Variants in NCKAP5 observed in about 807,000 individuals in gnomAD.
NCKAP5 encodes the protein nck-associated protein 5.
Under a neutral mutation model 167.0 loss-of-function variants are expected in NCKAP5, and 92 were observed. That is an observed-to-expected ratio of 0.55 (90% CI 0.47 to 0.66). The LOEUF (loss-of-function observed/expected upper bound fraction) is 0.66, where lower values mean the gene tolerates loss of function less well. Ranked by LOEUF, NCKAP5 falls within the 30% of genes least tolerant of loss-of-function variation. NCKAP5 has a pLI of 0.00. For synonymous variants in NCKAP5, 891 were observed against 877.4 expected, an observed-to-expected ratio of 1.02 and a Z score of -0.27; for missense variants, 2,378 against 2,315.0, an observed-to-expected ratio of 1.03 and a Z score of -0.56.
At chr2:132,867,738 T>C (rs1041784538) in intron 10 of NCKAP5, among the ~76,000 whole-genome samples, 1 of 152,170 alleles carries the variant, frequency 6.6e-6, no homozygotes, top group Admixed American at 6.6e-5. Context: ...CCCCAAGGAC[T>C]TTATGGAGCA....
chr2:133,417,468 T>C (rs1180571911), intron 3 of NCKAP5, among the ~76,000 whole-genome samples: 4 of 152,206 alleles, frequency 2.6e-5, no homozygotes, highest in African/African-American at 9.7e-5. Context: ...AGTGGGTCAG[T>C]CTGGCAAGTG....
chr2:133,385,629 C>G (rs1262951607), intron 3 of NCKAP5, among the ~76,000 whole-genome samples: 1 of 151,756 alleles, frequency 6.6e-6, no homozygotes, highest in African/African-American at 2.4e-5. Flanking sequence ...ATGGTACCAG[C>G]CCCTCCTTGT....
rs1692747127 is a variant in NCKAP5 at position 133,468,188 on chromosome 2, C to T, written c.69+49270G>A. Among the ~76,000 whole-genome samples, 3 of 136,638 alleles carry T rather than the reference C, an allele frequency of 2.2e-5. 1 individual carries two copies. Among genetic ancestry groups the T allele is most frequent in the African/African-American group, 8.4e-5 (3 of 35,776 alleles). 89.6% of individuals were successfully genotyped at this position (136,638 alleles called of 152,430 possible). On this transcript the variant is annotated intron_variant, in intron 3 of 19. Coordinates refer to ENST00000409261, the MANE Select transcript of NCKAP5 (RefSeq NM_207363.3). The stretch of plus-strand genomic sequence containing the variant: ...CCTCTACATACTGCTTTGAATGCAT[C>T]CCAGAGATTCTGGTATATTGTGTCT...
chr2:133,447,676 G>C (rs1239849213), intron 3 of NCKAP5, among the ~76,000 whole-genome samples: 2 of 149,588 alleles, frequency 1.3e-5, no homozygotes, highest in Admixed American at 1.3e-4. Flanking sequence ...TTTTTGTAGA[G>C]ATGGGGTCTC....
At chr2:133,414,214 G>C (rs772683507) in intron 3 of NCKAP5, among the ~76,000 whole-genome samples, 3 of 152,156 alleles carry the variant, frequency 2.0e-5, no homozygotes, top group Non-Finnish European at 4.4e-5. Context: ...CAGGTATTAG[G>C]TAAGGTCCAA....
At chr2:133,359,836 A>G (rs1451685862) in intron 3 of NCKAP5, among the ~76,000 whole-genome samples, 3 of 152,224 alleles carry the variant, frequency 2.0e-5, no homozygotes, top group Non-Finnish European at 4.4e-5. Context: ...AATCTGTGAA[A>G]CTATTGTGCA....
chr2:132,761,859 TG>T (rs1196461384), intron 16 of NCKAP5, among the ~76,000 whole-genome samples: 1 of 152,176 alleles, frequency 6.6e-6, no homozygotes, highest in Non-Finnish European at 1.5e-5. Context: ...AATATATGCA[TG>T]TACATGTCAA....
intron 6 of NCKAP5, among the ~76,000 whole-genome samples, chr2:133,124,037 C>G (rs1385938322): frequency 6.6e-6 from 1 of 152,208 alleles, no homozygotes; most frequent in Admixed American, 6.5e-5. Context: ...CCATTTACGA[C>G]TCCTTGAAGT....
intron 11 of NCKAP5, among the ~76,000 whole-genome samples, chr2:132,854,406 G>A (rs1057258985): frequency 1.3e-5 from 2 of 152,262 alleles, no homozygotes. Flanking sequence ...CAAGGTGTGA[G>A]TAGGAGATTG....
At chr2:132,945,816 C>T (rs575320056) in intron 8 of NCKAP5, among the ~76,000 whole-genome samples, 1 of 152,106 alleles carries the variant, frequency 6.6e-6, no homozygotes, top group Non-Finnish European at 1.5e-5. Flanking sequence ...AAGTACATCC[C>T]CAAACTTAGT....
intron 6 of NCKAP5, among the ~76,000 whole-genome samples, chr2:133,028,625 C>G (rs528272106): frequency 1.3e-5 from 2 of 152,190 alleles, no homozygotes; most frequent in African/African-American, 4.8e-5. Flanking sequence ...AAAGCACTTG[C>G]AATTTAGTAC....
intron 19 of NCKAP5, among the ~76,000 whole-genome samples, chr2:132,681,309 A>C (rs1685193147): frequency 6.6e-6 from 1 of 151,548 alleles, no homozygotes; most frequent in Non-Finnish European, 1.5e-5. Context: ...AAAAATAAAT[A>C]TACATACTAC....
At chr2:133,093,745 C>T (rs117373611) in intron 6 of NCKAP5, among the ~76,000 whole-genome samples, 1,744 of 152,224 alleles carry the variant, frequency 0.011, 15 homozygotes, top group Middle Eastern at 0.031. Context: ...GAAAATAGTT[C>T]CCATTCATTT....
At position 132,796,688 on chromosome 2, in the gene NCKAP5, C is replaced by A. The variant is rs774121253; in HGVS notation, c.849G>T (p.Leu283Phe). ...SRLLDLSSGD[L>F]LSEVERNRSL... ...TTCGGTTTCTTTCCACCTCTGAAAG[C>A]AAATCTCCAGATGAAAGATCCAAGA... Residue 283 changes from leucine to phenylalanine, a missense_variant, in exon 12 of 20, where the codon TTG becomes TTT. Physicochemically the swap from Leu to Phe is conservative, Grantham distance 22. Coordinates refer to ENST00000409261, the MANE Select transcript of NCKAP5 (RefSeq NM_207363.3). 6.2e-7 allele frequency: 1 copy of A among 1,613,346 alleles called. No homozygotes were observed. The highest frequency in any genetic ancestry group is 8.5e-7 in the Non-Finnish European group (1 of 1,179,630).
At chr2:133,492,140 A>G (rs1345903266) in intron 3 of NCKAP5, among the ~76,000 whole-genome samples, 2 of 59,504 alleles carry the variant, frequency 3.4e-5, no homozygotes, top group Non-Finnish European at 7.4e-5. Flanking sequence ...TGCCATATCT[A>G]GTTAGTGTGT....
chr2:133,407,555 C>G (rs376918274), intron 3 of NCKAP5, among the ~76,000 whole-genome samples: 1 of 152,130 alleles, frequency 6.6e-6, no homozygotes, highest in South Asian at 2.1e-4. Flanking sequence ...GGCGCTGTGC[C>G]GGCCACTTAA....
intron 6 of NCKAP5, among the ~76,000 whole-genome samples, chr2:133,115,775 GTATATATATATA>G (rs10683280): frequency 0.026 from 2,459 of 94,298 alleles, 78 homozygotes; most frequent in African/African-American, 0.053. Context: ...ATGTGTGTGT[GTATATATATATA>G]TATATATATA....
the NCKAP5 span, among the ~76,000 whole-genome samples, chr2:133,660,633 G>A: frequency 6.6e-6 from 1 of 152,156 alleles, no homozygotes; most frequent in Non-Finnish European, 1.5e-5. Context: ...GGATTATGAA[G>A]AGAACTATCT....
chr2:132,926,121 AG>A (rs1375146009), intron 8 of NCKAP5: 7 of 345,934 alleles, frequency 2.0e-5, no homozygotes, highest in Non-Finnish European at 4.2e-5. Context: ...CCCACTTACA[AG>A]TGAGAAATTG....
Sources: allele counts gnomAD v4.1 joint callset (sites outside exome capture counted in the v4.1 genomes callset), GRCh38; gene constraint gnomAD v4.1.1; transcripts MANE v1.5; gene names NCBI Gene and HGNC (gene_info 2026-07-23, HGNC 2026-07-21).